FBXO47: variants seen among roughly 807,000 people sequenced by gnomAD.
FBXO47 encodes F-box only protein 47.
In FBXO47, 34 loss-of-function variants were observed where a neutral mutation model predicts 53.9. The observed-to-expected ratio is 0.63, with a 90% CI of 0.48 to 0.84. FBXO47 has a LOEUF of 0.84. FBXO47 is among the 40% of genes least tolerant of loss of function. The pLI is 0.00. For missense variants in FBXO47, 485 were observed against 541.3 expected (o/e 0.90, Z 1.03); for synonymous variants, 165 against 181.6 (o/e 0.91, Z 0.73).
intron 6 of FBXO47, among the ~76,000 whole-genome samples, chr17:38,945,791 C>T (rs1904730514): frequency 6.6e-6 from 1 of 151,008 alleles, no homozygotes; most frequent in Non-Finnish European, 1.5e-5. Context: ...AAAAAATAAG[C>T]CGGGAGTGAT....
intron 1 of FBXO47, among the ~76,000 whole-genome samples, chr17:38,965,815 G>C (rs1471005752): frequency 6.7e-6 from 1 of 148,638 alleles, no homozygotes; most frequent in Non-Finnish European, 1.5e-5. Flanking sequence ...CCCGGGAGGC[G>C]GAGGTTGCAG....
intron 1 of FBXO47, among the ~76,000 whole-genome samples, chr17:38,964,489 G>C (rs1020753284): frequency 1.3e-5 from 2 of 152,002 alleles, no homozygotes; most frequent in Admixed American, 1.3e-4. Context: ...CCAGCTACTT[G>C]GGAGACTGAA....
chr17:38,960,099 G>A (rs554789295), intron 3 of FBXO47, among the ~76,000 whole-genome samples: 2 of 151,966 alleles, frequency 1.3e-5, no homozygotes, highest in South Asian at 2.1e-4. Context: ...GAGCCACTGC[G>A]CCCGGCCCAA....
chr17:38,946,562 C>A (rs1328514773), intron 6 of FBXO47, among the ~76,000 whole-genome samples: 46 of 50,948 alleles, frequency 9.0e-4, no homozygotes, highest in South Asian at 2.5e-3. Context: ...ATATATATAA[C>A]TATATAAATA....
chr17:38,961,102 T>C (rs1905794483), intron 3 of FBXO47, among the ~76,000 whole-genome samples: 2 of 152,240 alleles, frequency 1.3e-5, no homozygotes, highest in Admixed American at 1.3e-4. Context: ...TACATTTTGA[T>C]ATATTTACAT....
intron 6 of FBXO47, among the ~76,000 whole-genome samples, chr17:38,946,361 AATATATAG>A (rs1219436458): frequency 6.2e-5 from 3 of 48,768 alleles, no homozygotes; most frequent in Non-Finnish European, 1.1e-4. Flanking sequence ...AATATATATA[AATATATAG>A]ATATATATAT....
intron 8 of FBXO47, 69 bp downstream of exon 8, chr17:38,943,515 ATTATCC>A (rs1904602392): frequency 1.2e-5 from 11 of 947,924 alleles, no homozygotes; most frequent in African/African-American, 1.7e-5. Context: ...TACCTGTAGA[ATTATCC>A]TTATAATTTT....
intron 9 of FBXO47, 74 bp downstream of exon 9, chr17:38,942,704 T>A: frequency 8.8e-7 from 1 of 1,138,188 alleles, no homozygotes; most frequent in South Asian, 1.6e-5. Flanking sequence ...ACATTTCAGT[T>A]CCTTCAGGGC....
At chr17:38,941,828 A>G (rs2143888097) in intron 9 of FBXO47, among the ~76,000 whole-genome samples, 1 of 151,118 alleles carries the variant, frequency 6.6e-6, no homozygotes, top group East Asian at 2.0e-4. Flanking sequence ...TGTTGCCAAC[A>G]CACCGAGCTA....
intron 9 of FBXO47, 55 bp from the exon 10 acceptor site, chr17:38,938,787 T>A: frequency 1.5e-6 from 2 of 1,361,068 alleles, no homozygotes; most frequent in Admixed American, 4.3e-5. Flanking sequence ...GCTATAGAAT[T>A]TGAAAATGGT....
Position 38,945,149 on chromosome 17 carries a change from A to C in FBXO47, c.617-13T>G, listed in dbSNP as rs1182309336. 6.3e-7 allele frequency: 1 copy of C among 1,582,894 alleles called. No homozygotes were observed. The highest frequency in any genetic ancestry group is 1.7e-5 in the Admixed American group (1 of 59,640). ...TTTTGGGCACTTCCTATGAAGACAAAAGAATTGTAAATCATTCTTCGTAGA... is the reference window on the plus strand; with the variant it reads ...TTTTGGGCACTTCCTATGAAGACAACAGAATTGTAAATCATTCTTCGTAGA... On this transcript the variant is annotated splice_polypyrimidine_tract_variant and intron_variant, in intron 6 of 10. Coordinates refer to ENST00000378079, the MANE Select transcript of FBXO47 (RefSeq NM_001008777.3).
chr17:38,956,205 G>A (rs191963475), intron 4 of FBXO47, among the ~76,000 whole-genome samples: 86 of 152,120 alleles, frequency 5.7e-4, no homozygotes, highest in Middle Eastern at 3.4e-3. Context: ...AGCATACAGA[G>A]CGGTTTGGGG....
chr17:38,937,161 G>A lies in FBXO47; in HGVS notation c.*14C>T, dbSNP rs755425778. 3 of 1,237,240 alleles carry A rather than the reference G, an allele frequency of 2.4e-6. No homozygotes were observed. Among genetic ancestry groups the A allele is most frequent in the Admixed American group, 3.8e-5 (2 of 53,144 alleles). 76.6% of individuals were successfully genotyped at this position (1,237,240 alleles called of 1,614,324 possible). On this transcript the variant is annotated 3_prime_UTR_variant, in exon 11 of 11. Transcript: ENST00000378079. ...GTTCAGTGACGTTCTCTAAAGGCAA[G>A]GCTTTCTGAGGATTTAGGTAGACAG...
At chr17:38,944,830 C>G in intron 7 of FBXO47, 130 bp downstream of exon 7, 1 of 451,114 alleles carries the variant, frequency 2.2e-6, no homozygotes, top group South Asian at 5.1e-5. Flanking sequence ...ATGATCGCAC[C>G]ACTGTGTGCG....
At chr17:38,939,323 A>AATATATATATATATATAT (rs1555559725) in intron 9 of FBXO47, among the ~76,000 whole-genome samples, 12 of 50,164 alleles carry the variant, frequency 2.4e-4, no homozygotes, top group East Asian at 1.1e-3. Flanking sequence ...AAAAAAAAAA[A>AATATATATATATATATAT]ATATATATAT....
intron 6 of FBXO47, among the ~76,000 whole-genome samples, chr17:38,948,478 G>T (rs199791323): frequency 6.6e-6 from 1 of 151,972 alleles, no homozygotes; most frequent in African/African-American, 2.4e-5. Flanking sequence ...GCCTCCCAAA[G>T]TGCTGGGATT....
At chr17:38,950,640 T>C (rs780952419) in intron 6 of FBXO47, among the ~76,000 whole-genome samples, 2 of 152,022 alleles carry the variant, frequency 1.3e-5, no homozygotes, top group Non-Finnish European at 2.9e-5. Context: ...GTGCATATTG[T>C]GGGAGTTTCT....
At chr17:38,955,387 C>CAA (rs756125580) in intron 4 of FBXO47, among the ~76,000 whole-genome samples, 8 of 84,326 alleles carry the variant, frequency 9.5e-5, no homozygotes, top group East Asian at 7.3e-4. Flanking sequence ...GATTCCATCT[C>CAA]AAAAAAAAAA....
intron 3 of FBXO47, among the ~76,000 whole-genome samples, chr17:38,958,202 G>A (rs945092749): frequency 3.3e-5 from 5 of 151,944 alleles, no homozygotes; most frequent in South Asian, 4.2e-4. Flanking sequence ...GGCTGGTCTC[G>A]AATTCCTGGG....
Sources: gnomAD v4.1 joint callset for allele counts (sites outside exome capture counted in the v4.1 genomes callset) on GRCh38, gnomAD v4.1.1 for gene constraint, MANE v1.5 for transcripts, NCBI Gene and HGNC (gene_info 2026-07-23, HGNC 2026-07-21) for gene names.